The following ETFDH variants were observed in gnomAD, a reference collection of about 807,000 sequenced individuals.
The protein encoded by ETFDH is electron transfer flavoprotein dehydrogenase, also known as electron transfer flavoprotein-ubiquinone oxidoreductase, mitochondrial.
In ETFDH, 61 loss-of-function variants were observed where a neutral mutation model predicts 73.2. That is an observed-to-expected ratio of 0.83 (90% CI 0.68 to 1.03). The LOEUF (loss-of-function observed/expected upper bound fraction) is 1.03. Among genes scored for constraint, ETFDH ranks in the 50% least tolerant of loss-of-function variants. ETFDH has a pLI of 0.00. For synonymous variants in ETFDH, 243 were observed against 253.3 expected (o/e 0.96, Z 0.39); for missense variants, 685 against 745.0 (o/e 0.92, Z 0.94).
intron 5 of ETFDH, among the ~76,000 whole-genome samples, chr4:158,688,116 A>G (rs1356868906): frequency 1.3e-5 from 2 of 148,604 alleles, no homozygotes; most frequent in Non-Finnish European, 3.0e-5. Flanking sequence ...GAAACAGGCC[A>G]GGTGCAGTGA....
At chr4:158,695,162 T>C (rs1774276620) in intron 6 of ETFDH, among the ~76,000 whole-genome samples, 1 of 152,214 alleles carries the variant, frequency 6.6e-6, no homozygotes, top group Non-Finnish European at 1.5e-5. Flanking sequence ...ATTGTTTATG[T>C]TCATGCGTAA....
rs184805476 is a variant in ETFDH at position 158,700,379 on chromosome 4, A to G, written c.1116+1249A>G. On this transcript the variant is annotated intron_variant, in intron 9 of 12. Coordinates refer to ENST00000511912, the MANE Select transcript of ETFDH (RefSeq NM_004453.4). ...TGTATTCAAGCCTATTAAACTTTTA[A>G]AAATAATGTCCATAATAGTTACTGT... Among the ~76,000 whole-genome samples, 164 of 152,264 alleles carry G rather than the reference A, an allele frequency of 1.1e-3. 1 individual carries two copies. Among genetic ancestry groups the G allele is most frequent in the African/African-American group, 3.5e-3 (146 of 41,544 alleles).
chr4:158,707,033 T>G (rs1413157405), intron 12 of ETFDH, among the ~76,000 whole-genome samples, 183 bp downstream of exon 12: 1 of 150,564 alleles, frequency 6.6e-6, no homozygotes. Context: ...TCAGATAACA[T>G]TTCTCAAAAA....
chr4:158,687,980 CA>C (rs1347142641), intron 5 of ETFDH, among the ~76,000 whole-genome samples: 1 of 152,150 alleles, frequency 6.6e-6, no homozygotes, highest in African/African-American at 2.4e-5. Context: ...GCAGAGGTTG[CA>C]GTGGGCCGAG....
Position 158,695,583 on chromosome 4 carries a change from T to G in ETFDH, c.771T>G (p.Tyr257Ter). The G allele has an allele frequency of 6.2e-7, 1 of 1,611,740 alleles. No individual in the cohort carries two copies. Among genetic ancestry groups the G allele is most frequent in the Non-Finnish European group, 8.5e-7 (1 of 1,177,904 alleles). The change falls in exon 7 of 13, where the codon TAT becomes TAG. Residue 257 changes from tyrosine to a stop codon, truncating the protein, a stop_gained. Coordinates refer to ENST00000511912, the MANE Select transcript of ETFDH (RefSeq NM_004453.4). LOFTEE classifies it high-confidence loss of function. Reference sequence around the variant, plus strand: ...ATGGACATCTAGCCAAGCAACTATATAAGAAGTTTGATTTGAGAGCAAATT... The same window carrying G: ...ATGGACATCTAGCCAAGCAACTATAGAAGAAGTTTGATTTGAGAGCAAATT... ...GCHGHLAKQL[Y>*]KKFDLRANCE...
chr4:158,683,676 C>A (rs934542248), intron 3 of ETFDH, among the ~76,000 whole-genome samples: 34 of 152,096 alleles, frequency 2.2e-4, no homozygotes, highest in African/African-American at 8.2e-4. Flanking sequence ...ACCTCCGGGG[C>A]TCAAGTAATC....
intron 6 of ETFDH, 76 bp downstream of exon 6, chr4:158,690,501 C>T (rs1391088935): frequency 5.6e-6 from 5 of 899,904 alleles, no homozygotes; most frequent in Non-Finnish European, 9.5e-6. Context: ...CAAAGTGAAA[C>T]CCCATCTCTC....
chr4:158,695,788 C>A, intron 7 of ETFDH, 145 bp downstream of exon 7: 2 of 661,306 alleles, frequency 3.0e-6, no homozygotes, highest in South Asian at 1.9e-5. Context: ...AACTTATTTG[C>A]GATATTTTTC....
Position 158,706,663 on chromosome 4 carries a change from T to G in ETFDH, c.1503T>G (p.Asp501Glu), listed in dbSNP as rs752947878. The G allele has an allele frequency of 1.1e-5, 17 of 1,614,054 alleles. No homozygotes were observed. In the Admixed American group the frequency reaches 2.8e-4, roughly 27 times the overall value. ...SDFERLKPAK[D>E]CTPIEYPKPD... is the part of the protein sequence containing the mutation. ...TTGAACGGCTCAAGCCAGCCAAGGA[T>G]TGCACACCTATTGAGTATCCAAAAC... Residue 501 changes from aspartate to glutamate, a missense_variant, in exon 12 of 13, where the codon GAT (aspartate) becomes GAG (glutamate). Transcript: ENST00000511912.
intron 1 of ETFDH, among the ~76,000 whole-genome samples, chr4:158,677,504 CT>C (rs1409213598): frequency 2.6e-5 from 4 of 152,106 alleles, no homozygotes; most frequent in African/African-American, 7.2e-5. Flanking sequence ...AGGAAAAGGC[CT>C]AGAAAGGGAA....
chr4:158,680,748 T>C, intron 2 of ETFDH, 141 bp downstream of exon 2: 1 of 722,740 alleles, frequency 1.4e-6, no homozygotes, highest in East Asian at 2.8e-5. Context: ...TGCTGCATAA[T>C]GACCCTTCAG....
rs1412670496 is a variant in ETFDH, at chr4:158,706,025, G to T, written c.1286-164G>T. 2.0e-5 allele frequency among the ~76,000 whole-genome samples: 3 copies of T among 152,188 alleles called. No homozygotes were observed. In the East Asian group the frequency reaches 5.8e-4, roughly 29 times the overall value. The stretch of plus-strand genomic sequence containing the variant: ...GAATCTAGGAGGTGGAGGTTGCAGT[G>T]AGCCATGATCACACCACTGTACTCC... On this transcript the variant is annotated intron_variant, in intron 10 of 12. Transcript: ENST00000511912.
intron 1 of ETFDH, among the ~76,000 whole-genome samples, chr4:158,677,747 G>A (rs1003716957): frequency 6.6e-6 from 1 of 152,158 alleles, no homozygotes; most frequent in African/African-American, 2.4e-5. Flanking sequence ...GGTCAGTTAT[G>A]TCTAAACTCC....
chr4:158,707,688 A>G (rs922994614), intron 12 of ETFDH, among the ~76,000 whole-genome samples: 1 of 152,218 alleles, frequency 6.6e-6, no homozygotes, highest in African/African-American at 2.4e-5. Flanking sequence ...ACTTGTGTCC[A>G]GTAACCCTTT....
At chr4:158,699,856 G>A (rs1420965535) in intron 9 of ETFDH, among the ~76,000 whole-genome samples, 2 of 152,048 alleles carry the variant, frequency 1.3e-5, no homozygotes, top group East Asian at 3.9e-4. Flanking sequence ...TATTCAGTAT[G>A]TATTAAACAA....
At chr4:158,700,288 C>T (rs1774422469) in intron 9 of ETFDH, among the ~76,000 whole-genome samples, 1 of 152,038 alleles carries the variant, frequency 6.6e-6, no homozygotes, top group African/African-American at 2.4e-5. Context: ...GATTACTTCT[C>T]ATGAGATTGT....
At chr4:158,692,790 G>C (rs1229553721) in intron 6 of ETFDH, among the ~76,000 whole-genome samples, 1 of 146,122 alleles carries the variant, frequency 6.8e-6, no homozygotes, top group African/African-American at 2.5e-5. Context: ...ATTTCAGGTG[G>C]CAGAGGTTGC....
At chr4:158,679,909 TA>T (rs1035925439) in intron 1 of ETFDH, 141 of 134,628 alleles carry the variant, frequency 1.0e-3, no homozygotes, top group Middle Eastern at 3.8e-3. Context: ...GCATCTCTAC[TA>T]AAAAAAAAAA....
chr4:158,691,536 G>A (rs747539649), intron 6 of ETFDH, among the ~76,000 whole-genome samples: 9 of 151,858 alleles, frequency 5.9e-5, no homozygotes, highest in East Asian at 1.9e-4. Flanking sequence ...TGTTGGCCAC[G>A]CTGGTCTTGA....
Sources: allele counts gnomAD v4.1 joint callset (sites outside exome capture counted in the v4.1 genomes callset), GRCh38; gene constraint gnomAD v4.1.1; transcripts MANE v1.5; gene names NCBI Gene and HGNC (gene_info 2026-07-23, HGNC 2026-07-21).